ERBB4: variants seen among roughly 807,000 people sequenced by gnomAD.
ERBB4 encodes the protein erb-b2 receptor tyrosine kinase 4, also known as receptor tyrosine-protein kinase erbB-4.
Under a neutral mutation model 158.0 loss-of-function variants are expected in ERBB4, and 42 were observed. The ratio of observed to expected loss-of-function variants is 0.27; its 90% CI spans 0.21 to 0.34. The LOEUF (loss-of-function observed/expected upper bound fraction) is 0.34, where lower values mean the gene tolerates loss of function less well. Among genes scored for constraint, ERBB4 ranks in the 10% least tolerant of loss-of-function variants. The probability of loss-of-function intolerance (pLI) is 1.00; values close to 1 mark genes in which losing one functional copy is unlikely to be tolerated. For missense variants in ERBB4, 1,333 were observed against 1,624.1 expected (o/e 0.82, Z 3.08); for synonymous variants, 583 against 558.7 (o/e 1.04, Z -0.61).
At chr2:212,115,167 G>C (rs984870718) in intron 2 of ERBB4, among the ~76,000 whole-genome samples, 2 of 151,720 alleles carry the variant, frequency 1.3e-5, no homozygotes, top group African/African-American at 4.8e-5. Context: ...TAATAAATGA[G>C]TTCAAATTAG....
chr2:211,596,586 C>A (rs900579696), intron 19 of ERBB4, among the ~76,000 whole-genome samples: 5 of 152,108 alleles, frequency 3.3e-5, no homozygotes, highest in African/African-American at 1.2e-4. Context: ...CTTCTCTTTT[C>A]CAGCACCCTG....
In ERBB4 at chr2:211,438,344, G is replaced by A. The variant is rs191203276; in HGVS notation, c.2488-7244C>T. Among the ~76,000 whole-genome samples the A allele has an allele frequency of 4.6e-3, 700 of 152,270 alleles. 1 individual carries two copies. Among genetic ancestry groups the A allele is most frequent in the Non-Finnish European group, 7.9e-3 (535 of 68,032 alleles). On this transcript the variant is annotated intron_variant, in intron 20 of 27. Coordinates refer to ENST00000342788, the MANE Select transcript of ERBB4 (RefSeq NM_005235.3). ...ATGTCCCCCTTCAAATATTTAGTGA[G>A]AGTTGTGAATATGTTTTAGTAAAAA...
intron 2 of ERBB4, among the ~76,000 whole-genome samples, chr2:212,023,500 G>A (rs1008343484): frequency 8.0e-5 from 7 of 87,030 alleles, no homozygotes; most frequent in African/African-American, 1.3e-4. Flanking sequence ...TAATAAAAGC[G>A]TTTATACAAG....
chr2:212,127,744 C>T (rs748961954), intron 1 of ERBB4, among the ~76,000 whole-genome samples: 2 of 152,064 alleles, frequency 1.3e-5, no homozygotes, highest in African/African-American at 2.4e-5. Context: ...GAAAATACCA[C>T]GTGCACACAA....
At chr2:211,733,840 G>C (rs2074511584) in intron 5 of ERBB4, among the ~76,000 whole-genome samples, 1 of 151,256 alleles carries the variant, frequency 6.6e-6, no homozygotes. Flanking sequence ...CTAGCATTTG[G>C]GAGGCAGAGG....
chr2:212,223,441 T>C (rs924868011), intron 1 of ERBB4, among the ~76,000 whole-genome samples: 3 of 147,784 alleles, frequency 2.0e-5, no homozygotes, highest in African/African-American at 4.9e-5. Flanking sequence ...TTTTTATTTA[T>C]ATACATTTCT....
chr2:212,070,243 A>G (rs1228351951), intron 2 of ERBB4, among the ~76,000 whole-genome samples: 2 of 152,062 alleles, frequency 1.3e-5, no homozygotes, highest in Non-Finnish European at 2.9e-5. Flanking sequence ...TTCCCAAATT[A>G]AAGGCATATG....
chr2:211,711,623 C>T (rs1037295586), intron 9 of ERBB4, among the ~76,000 whole-genome samples: 1 of 152,100 alleles, frequency 6.6e-6, no homozygotes, highest in African/African-American at 2.4e-5. Flanking sequence ...AGGGGAATTT[C>T]AACATACTGA....
intron 2 of ERBB4, among the ~76,000 whole-genome samples, chr2:212,090,630 T>C (rs1250471385): frequency 6.6e-6 from 1 of 152,134 alleles, no homozygotes; most frequent in Non-Finnish European, 1.5e-5. Flanking sequence ...CCTAGATGCA[T>C]ATTATAATCA....
intron 22 of ERBB4, 60 bp from the exon 23 acceptor site, chr2:211,424,361 C>A: frequency 8.3e-7 from 1 of 1,210,990 alleles, no homozygotes; most frequent in African/African-American, 1.5e-5. Flanking sequence ...AACAAACCAG[C>A]ACTATACCAG....
At chr2:211,664,859 A>G (rs577141408) in intron 15 of ERBB4, among the ~76,000 whole-genome samples, 1 of 152,120 alleles carries the variant, frequency 6.6e-6, no homozygotes, top group Non-Finnish European at 1.5e-5. Context: ...ACCTTTGTTC[A>G]TATTTTTTGA....
rs141902440 is a variant in ERBB4 at position 211,383,718 on chromosome 2, C to T, written c.3824G>A (p.Arg1275Gln). The change falls in exon 28 of 28, where the codon CGG becomes CAG. Residue 1275 changes from arginine to glutamine, a missense_variant. Transcript: ENST00000342788. ...KYFYKQNGRI[R>Q]PIVAENPEYL... ...TTCAGGATTCTCTGCCACAATAGGCCGGATCCGCCCATTCTGTTTATAAAA... is the reference window on the plus strand; with the variant it reads ...TTCAGGATTCTCTGCCACAATAGGCTGGATCCGCCCATTCTGTTTATAAAA... 21 of 1,613,890 alleles carry T rather than the reference C, an allele frequency of 1.3e-5. No homozygotes were observed. Among genetic ancestry groups the T allele is most frequent in the African/African-American group, 6.7e-5 (5 of 74,888 alleles).
chr2:212,078,916 A>G lies in ERBB4; in HGVS notation c.234+45836T>C, dbSNP rs142550982. On this transcript the variant is annotated intron_variant, in intron 2 of 27. Transcript: ENST00000342788. ...CTAATATTATTAGTCTTAATTTTATATAAATGGAGTCATAATATACATACT... is the reference window on the plus strand; with the variant it reads ...CTAATATTATTAGTCTTAATTTTATGTAAATGGAGTCATAATATACATACT... Among the ~76,000 whole-genome samples, 58 of 151,284 alleles carry G rather than the reference A, an allele frequency of 3.8e-4. 1 individual carries two copies. In the East Asian group the frequency reaches 9.3e-3, roughly 24 times the overall value.
rs1691168439 is a variant in ERBB4 at position 212,505,873 on chromosome 2, T to C, written c.82+32576A>G. Among the ~76,000 whole-genome samples the C allele has an allele frequency of 1.3e-5, 2 of 148,730 alleles. 1 individual carries two copies. Among genetic ancestry groups the C allele is most frequent in the Admixed American group, 1.3e-4 (2 of 14,948 alleles). On this transcript the variant is annotated intron_variant, in intron 1 of 27. Transcript: ENST00000342788. The stretch of plus-strand genomic sequence containing the variant: ...CAGTACAAGGCTACTTAGTAGGAGG[T>C]ATATAGGGTAAAATAAAATCCCAGA...
intron 1 of ERBB4, among the ~76,000 whole-genome samples, chr2:212,283,086 A>G (rs1343308368): frequency 6.6e-6 from 1 of 151,932 alleles, no homozygotes; most frequent in African/African-American, 2.4e-5. Flanking sequence ...TAAAGAATAA[A>G]GCAATCTCAG....
At chr2:212,389,236 AG>A (rs1427979287) in intron 1 of ERBB4, among the ~76,000 whole-genome samples, 1 of 152,104 alleles carries the variant, frequency 6.6e-6, no homozygotes, top group Non-Finnish European at 1.5e-5. Context: ...GGAGACAAAA[AG>A]TATGATTTAA....
chr2:212,131,341 A>T (rs2080101834), intron 1 of ERBB4, among the ~76,000 whole-genome samples: 1 of 152,190 alleles, frequency 6.6e-6, no homozygotes, highest in Admixed American at 6.5e-5. Context: ...TGTCACTAAA[A>T]ACACCCTTTG....
At chr2:212,431,306 TAAAAAAAAAA>T (rs35419362) in intron 1 of ERBB4, among the ~76,000 whole-genome samples, 2 of 86,886 alleles carry the variant, frequency 2.3e-5, no homozygotes, top group Non-Finnish European at 2.3e-5. Context: ...CTGCTCATAT[TAAAAAAAAAA>T]AAAAAAAAAA....
rs2062473572 is a variant in ERBB4, at chr2:211,376,381, A to G, written c.*7234T>C. On this transcript the variant is annotated 3_prime_UTR_variant, in exon 28 of 28. Coordinates refer to ENST00000342788, the MANE Select transcript of ERBB4 (RefSeq NM_005235.3). ...TACTTATTTACAAATGCAACTAGCC[A>G]TGTCTTTAACAAGCTATAAAAATAC... 2 of 233,032 alleles carry G rather than the reference A, an allele frequency of 8.6e-6. No homozygotes were observed. Among genetic ancestry groups the G allele is most frequent in the East Asian group, 6.1e-5 (1 of 16,494 alleles). 14.4% of individuals were successfully genotyped at this position (233,032 alleles called of 1,614,324 possible). A position where few individuals can be genotyped will look rare whatever the true frequency, so the allele number is the denominator to read the frequency against.
Sources: allele counts gnomAD v4.1 joint callset (sites outside exome capture counted in the v4.1 genomes callset), GRCh38; gene constraint gnomAD v4.1.1; transcripts MANE v1.5; gene names NCBI Gene and HGNC (gene_info 2026-07-23, HGNC 2026-07-21).